Variants in SLC6A3 observed in about 807,000 individuals in gnomAD.
SLC6A3 encodes sodium-dependent dopamine transporter.
In SLC6A3, 19 loss-of-function variants were observed where a neutral mutation model predicts 70.4. That is an observed-to-expected ratio of 0.27 (90% CI 0.19 to 0.40). The LOEUF is 0.40. SLC6A3 is among the 10% of genes least tolerant of loss of function. SLC6A3 has a pLI of 1.00. For synonymous variants in SLC6A3, 368 were observed against 356.6 expected, an observed-to-expected ratio of 1.03 and a Z score of -0.36; for missense variants, 613 against 838.5, an observed-to-expected ratio of 0.73 and a Z score of 3.32.
At chr5:1,418,419 A>G (rs1415116389) in intron 6 of SLC6A3, among the ~76,000 whole-genome samples, 4 of 152,090 alleles carry the variant, frequency 2.6e-5, no homozygotes, top group Non-Finnish European at 5.9e-5. Context: ...TCTATCTATC[A>G]TCTATCACTG....
Position 1,439,391 on chromosome 5 carries a change from T to C in SLC6A3, c.418+1968A>G, listed in dbSNP as rs112556651. Among the ~76,000 whole-genome samples the C allele has an allele frequency of 6.3e-3, 953 of 152,234 alleles. 11 individuals carry two copies. The highest frequency in any genetic ancestry group is 0.022 in the African/African-American group (900 of 41,518). On this transcript the variant is annotated intron_variant, in intron 3 of 14. Transcript: ENST00000270349. ...CTCCATTTCAGTGCAGTCCAGTGAA[T>C]GTGGAGCCCAGGAAGAAATTACTGA...
chr5:1,418,478 A>G (rs1560915837), intron 6 of SLC6A3, among the ~76,000 whole-genome samples: 1 of 152,122 alleles, frequency 6.6e-6, no homozygotes, highest in Non-Finnish European at 1.5e-5. Context: ...CATCTCTATA[A>G]TCTATCAACT....
intron 7 of SLC6A3, 93 bp downstream of exon 7, chr5:1,416,005 C>T (rs1756281522): frequency 2.0e-6 from 2 of 984,972 alleles, no homozygotes; most frequent in Admixed American, 1.8e-5. Flanking sequence ...AGTGGATCCG[C>T]CCTGTTCTCA....
intron 10 of SLC6A3, 36 bp from the exon 11 acceptor site, chr5:1,409,161 G>T (rs1255958325): frequency 6.8e-7 from 1 of 1,465,744 alleles, no homozygotes. Context: ...CTACAGAAGG[G>T]CTTTCCCCAG....
chr5:1,439,841 G>A (rs933009489), intron 3 of SLC6A3, among the ~76,000 whole-genome samples: 2 of 152,230 alleles, frequency 1.3e-5, no homozygotes, highest in African/African-American at 4.8e-5. Flanking sequence ...CTGCGTGCAG[G>A]GATTGGGGAG....
rs28382215 is a variant in SLC6A3, at chr5:1,444,466, A to G, written c.-46+882T>C. On this transcript the variant is annotated intron_variant, in intron 1 of 14. Coordinates refer to ENST00000270349, the MANE Select transcript of SLC6A3 (RefSeq NM_001044.5). ...CACACTCACACTCACACAGGTGCGC[A>G]CACACACACAACGACTGAAGCAGGT... 1.3e-4 allele frequency among the ~76,000 whole-genome samples: 20 copies of G among 152,116 alleles called. No individual in the cohort carries two copies. The South Asian group carries it at 2.9e-3, about 22-fold the overall frequency.
Position 1,402,821 on chromosome 5 carries a change from T to C in SLC6A3, c.1767+101A>G. 1 of 1,236,406 alleles carries C rather than the reference T, an allele frequency of 8.1e-7. No individual in the cohort carries two copies. Among genetic ancestry groups the C allele is most frequent in the Middle Eastern group, 2.6e-4 (1 of 3,788 alleles). The allele number at this position is 1,236,406 out of a possible 1,614,324, so 76.6% of individuals were successfully genotyped here. ...GCCACCTCCAGTCTCCTCCTCTTGG[T>C]CACAGATGACCCAGGCAGGTGAGGA... On this transcript the variant is annotated intron_variant, in intron 13 of 14. Transcript: ENST00000270349. The surrounding 1 kb of genome is among the most constrained non-coding windows in gnomAD (Gnocchi z 8.5).
chr5:1,435,857 G>A (rs4975547), intron 3 of SLC6A3, among the ~76,000 whole-genome samples: 4,198 of 74,176 alleles, frequency 0.057, 234 homozygotes, highest in African/African-American at 0.17. Context: ...TCCCTTGAAC[G>A]GTGGTGGCCA....
At chr5:1,395,588 G>A (rs1454426022) in intron 14 of SLC6A3, among the ~76,000 whole-genome samples, 4 of 152,202 alleles carry the variant, frequency 2.6e-5, no homozygotes, top group African/African-American at 9.7e-5. Flanking sequence ...TCTACCGGGG[G>A]CCTGGAGCAG....
At chr5:1,420,469 G>T in intron 6 of SLC6A3, 100 bp downstream of exon 6, 1 of 1,416,704 alleles carries the variant, frequency 7.1e-7, no homozygotes, top group Non-Finnish European at 1.0e-6. Context: ...CCTGGTGTCT[G>T]CAACTCTGAC....
chr5:1,414,419 GGCGGA>G (rs1406237826), intron 8 of SLC6A3, among the ~76,000 whole-genome samples: 5 of 150,876 alleles, frequency 3.3e-5, no homozygotes, highest in Middle Eastern at 3.4e-3. Flanking sequence ...GGAGGGGCAG[GGCGGA>G]GAAGGCACTG....
intron 6 of SLC6A3, chr5:1,416,565 G>C: frequency 2.6e-6 from 1 of 379,796 alleles, no homozygotes. Flanking sequence ...CCTCGGAACA[G>C]CACGGCCTCA....
intron 3 of SLC6A3, among the ~76,000 whole-genome samples, chr5:1,435,892 G>T (rs1012470834): frequency 3.2e-4 from 46 of 144,374 alleles, no homozygotes; most frequent in African/African-American, 1.2e-3. Context: ...GCTTCCCTGG[G>T]CACCTGGGTG....
intron 9 of SLC6A3, among the ~76,000 whole-genome samples, chr5:1,410,196 A>G (rs945809710): frequency 6.6e-6 from 1 of 152,194 alleles, no homozygotes; most frequent in African/African-American, 2.4e-5. Flanking sequence ...TTTCCTGAGC[A>G]AGATGCGTCC....
Position 1,396,847 on chromosome 5 carries a change from T to C in SLC6A3, c.1840-2089A>G, listed in dbSNP as rs1166102598. On this transcript the variant is annotated intron_variant, in intron 14 of 14. Transcript: ENST00000270349. The surrounding 1 kb of genome is among the most constrained non-coding windows in gnomAD (Gnocchi z 7.0). ...AAATGCTGAAGCCAAATAATACACT[T>C]TTTAGGAAGCTAGAAATATCTAGAG... Among the ~76,000 whole-genome samples, 1 of 152,052 alleles carries C rather than the reference T, an allele frequency of 6.6e-6. No individual in the cohort carries two copies. Among genetic ancestry groups the C allele is most frequent in the Non-Finnish European group, 1.5e-5 (1 of 67,996 alleles).
intron 5 of SLC6A3, 110 bp from the exon 6 acceptor site, chr5:1,420,813 G>C: frequency 8.6e-7 from 1 of 1,158,862 alleles, no homozygotes; most frequent in South Asian, 1.3e-5. Context: ...TGATTGGGAG[G>C]CCCAATTCCC....
intron 1 of SLC6A3, 119 bp downstream of exon 1, chr5:1,445,229 G>C (rs1306014956): frequency 6.6e-6 from 1 of 152,328 alleles, no homozygotes; most frequent in African/African-American, 2.4e-5. Flanking sequence ...AGACGGCGCG[G>C]TCTGCGGGAC....
chr5:1,424,709 G>A (rs928048900), intron 4 of SLC6A3, among the ~76,000 whole-genome samples: 11 of 152,234 alleles, frequency 7.2e-5, no homozygotes, highest in African/African-American at 2.2e-4. Flanking sequence ...ACAAGGTTGC[G>A]TCCACAGCAC....
Position 1,413,787 on chromosome 5 carries a change from C to T in SLC6A3, c.1156+904G>A, listed in dbSNP as rs3776508. Among the ~76,000 whole-genome samples the T allele has an allele frequency of 2.6e-4, 40 of 152,252 alleles. No individual in the cohort carries two copies. The highest frequency in any genetic ancestry group is 4.1e-4 in the South Asian group (2 of 4,822). On this transcript the variant is annotated intron_variant, in intron 8 of 14. Transcript: ENST00000270349. This position sits in a 1 kb window ranked among gnomAD's most constrained non-coding sequence, Gnocchi z 7.1. ...AAGCCTTGGGACTCCCTGGAGCTCT[C>T]GGTTGGCCCAAGTTAGGGCTGCCAA...
Sources: allele counts gnomAD v4.1 joint callset (sites outside exome capture counted in the v4.1 genomes callset), GRCh38; gene constraint gnomAD v4.1.1; non-coding constraint Gnocchi (gnomAD v3.1); transcripts MANE v1.5; gene names NCBI Gene and HGNC (gene_info 2026-07-23, HGNC 2026-07-21).